The following VBP1 variants were observed in gnomAD, a reference collection of about 807,000 sequenced individuals.
The protein encoded by VBP1 is VHL binding protein 1.
VBP1 carries 4 observed loss-of-function variants against 15.5 expected under a neutral mutation model. The ratio of observed to expected loss-of-function variants is 0.26; its 90% CI spans 0.13 to 0.59. The LOEUF (loss-of-function observed/expected upper bound fraction) is 0.59, where lower values mean the gene tolerates loss of function less well. VBP1 is among the 20% of genes least tolerant of loss of function. The pLI is 0.90. For synonymous variants in VBP1, 61 were observed against 52.1 expected (o/e 1.17, Z -0.74); for missense variants, 108 against 139.6 (o/e 0.77, Z 1.14).
At chrX:155,206,054 G>T (rs1287910296) in intron 1 of VBP1, among the ~76,000 whole-genome samples, 1 of 111,841 alleles carries the variant, frequency 8.9e-6, no homozygotes, top group Non-Finnish European at 1.9e-5. Context: ...ATAATTAAAA[G>T]AAACAAAAAC....
In VBP1 at chrX:155,228,461, T is replaced by C. The variant is rs2074729916; in HGVS notation, c.363T>C (p.Asp121=). 8.3e-7 allele frequency: 1 copy of C among 1,206,596 alleles called. No individual in the cohort carries two copies. The highest frequency in any genetic ancestry group is 1.1e-6 in the Non-Finnish European group (1 of 892,008). ...GCAAAGCTTCAGTTCCTCCTACCGA[T>C]AAAGTGTGTCTGTGGTTGGGGGTAA... ...LYCKASVPPT[D]KVCLWLGANV... is the part of the protein sequence containing the mutation. Residue 121 remains aspartate (D), a synonymous_variant, in exon 4 of 6, where the codon GAT becomes GAC. Transcript: ENST00000286428.
intron 1 of VBP1, among the ~76,000 whole-genome samples, chrX:155,203,407 A>G (rs1344617399): frequency 1.8e-5 from 2 of 110,844 alleles, no homozygotes; most frequent in African/African-American, 6.6e-5. Flanking sequence ...TGGCACATAT[A>G]CACCATGGAA....
chrX:155,208,245 T>C (rs2074632632), intron 1 of VBP1, among the ~76,000 whole-genome samples: 1 of 112,282 alleles, frequency 8.9e-6, no homozygotes, highest in Non-Finnish European at 1.9e-5. Flanking sequence ...ATTGCTATTC[T>C]TTCATCTTTT....
intron 2 of VBP1, among the ~76,000 whole-genome samples, chrX:155,223,610 A>G (rs1396595599): frequency 8.9e-6 from 1 of 112,380 alleles, no homozygotes; most frequent in Non-Finnish European, 1.9e-5. Context: ...CCACACAGAC[A>G]CAGCAACAAT....
At position 155,238,997 on chromosome X, in the gene VBP1, T is replaced by G. The variant is rs1286498958; in HGVS notation, c.*155T>G. 2.8e-6 allele frequency: 1 copy of G among 352,945 alleles called. No individual in the cohort carries two copies. Among genetic ancestry groups the G allele is most frequent in the Non-Finnish European group, 4.6e-6 (1 of 216,810 alleles). 29.1% of individuals were successfully genotyped at this position (352,945 alleles called of 1,213,427 possible). A position where few individuals can be genotyped will look rare whatever the true frequency, so the allele number is the denominator to read the frequency against. ...TTTATTTATAAAAACAAAATTAGTTTCAAATATTTTTGACATTGTGATTTT... is the reference window on the plus strand; with the variant it reads ...TTTATTTATAAAAACAAAATTAGTTGCAAATATTTTTGACATTGTGATTTT... On this transcript the variant is annotated 3_prime_UTR_variant, in exon 6 of 6. Transcript: ENST00000286428.
chrX:155,230,237 C>T (rs781856863), intron 4 of VBP1, among the ~76,000 whole-genome samples: 14 of 111,141 alleles, frequency 1.3e-4, no homozygotes, highest in East Asian at 8.5e-4. Context: ...CTGTGATCTC[C>T]GCCTTCATCT....
chrX:155,220,314 G>A lies in VBP1; in HGVS notation c.218+7G>A, dbSNP rs185917284. ...TTGCTCAAAAGAAAAGAAGGTAAGT[G>A]TAAAAATTTCTAAGTTTTGAAAATC... is the stretch of plus-strand genomic sequence containing the variant. On this transcript the variant is annotated splice_region_variant and intron_variant, in intron 2 of 5. Coordinates refer to ENST00000286428, the MANE Select transcript of VBP1 (RefSeq NM_003372.7). 38 of 1,141,315 alleles carry A rather than the reference G, an allele frequency of 3.3e-5. No homozygotes were observed. The highest frequency in any genetic ancestry group is 2.8e-4 in the Middle Eastern group (1 of 3,629). 94.1% of individuals were successfully genotyped at this position (1,141,315 alleles called of 1,213,427 possible).
At chrX:155,225,305 C>T (rs1281247072) in intron 2 of VBP1, among the ~76,000 whole-genome samples, 1 of 111,498 alleles carries the variant, frequency 9.0e-6, no homozygotes, top group Admixed American at 9.5e-5. Flanking sequence ...GGGATCCTCC[C>T]GCCTCAACTT....
At chrX:155,208,426 C>T (rs782789095) in intron 1 of VBP1, among the ~76,000 whole-genome samples, 3 of 112,224 alleles carry the variant, frequency 2.7e-5, no homozygotes, top group East Asian at 2.8e-4. Context: ...ACCTGTAGAT[C>T]GCCATATCAA....
At chrX:155,237,561 A>T (rs5940367) in intron 5 of VBP1, among the ~76,000 whole-genome samples, 2,965 of 111,368 alleles carry the variant, frequency 0.027, 44 homozygotes, top group South Asian at 0.043. Flanking sequence ...ACCTCATGCC[A>T]CTGACCTCTT....
intron 5 of VBP1, among the ~76,000 whole-genome samples, chrX:155,237,113 C>T (rs1262345065): frequency 8.1e-5 from 9 of 111,606 alleles, no homozygotes; most frequent in Non-Finnish European, 1.1e-4. Context: ...TTTTTAAAGG[C>T]GGCGTAGGGT....
At chrX:155,229,504 G>A (rs1410102524) in intron 4 of VBP1, among the ~76,000 whole-genome samples, 3 of 111,832 alleles carry the variant, frequency 2.7e-5, no homozygotes, top group Non-Finnish European at 5.6e-5. Context: ...TCCTTTATCT[G>A]TTTTCAGTAC....
chrX:155,208,745 T>C (rs1438949486), intron 1 of VBP1: 1 of 381,402 alleles, frequency 2.6e-6, no homozygotes, highest in Non-Finnish European at 4.3e-6. Flanking sequence ...TTCCTTTCAA[T>C]TGATGCTTAT....
chrX:155,210,671 G>GT (rs1288305654), intron 2 of VBP1, among the ~76,000 whole-genome samples: 1 of 112,003 alleles, frequency 8.9e-6, no homozygotes, highest in African/African-American at 3.2e-5. Flanking sequence ...CTGCCATGGA[G>GT]TGACAATTCG....
At chrX:155,234,057 T>C (rs782719174) in intron 4 of VBP1, among the ~76,000 whole-genome samples, 9 of 108,518 alleles carry the variant, frequency 8.3e-5, no homozygotes, top group Admixed American at 9.9e-5. Flanking sequence ...TTCATACTGT[T>C]ACCTCCAATT....
intron 3 of VBP1, 65 bp from the exon 4 acceptor site, chrX:155,228,319 C>G (rs901217308): frequency 3.8e-5 from 33 of 879,105 alleles, no homozygotes; most frequent in Non-Finnish European, 5.4e-5. Flanking sequence ...TGCAATCTCT[C>G]CTTTATAACC....
rs782482621 is a variant in VBP1 at position 155,231,824 on chromosome X, A to G, written c.384+3342A>G. On this transcript the variant is annotated intron_variant, in intron 4 of 5. Coordinates refer to ENST00000286428, the MANE Select transcript of VBP1 (RefSeq NM_003372.7). ...CTATTCTGTGGTAGGGCTATGTGAT[A>G]ATATTCCCAAGTCAAGGGGTGTTTG... Among the ~76,000 whole-genome samples, 372 of 112,441 alleles carry G rather than the reference A, an allele frequency of 3.3e-3. 1 individual carries two copies. The highest frequency in any genetic ancestry group is 5.6e-3 in the Non-Finnish European group (298 of 53,276).
intron 2 of VBP1, among the ~76,000 whole-genome samples, chrX:155,210,343 A>G (rs182476715): frequency 9.0e-6 from 1 of 111,692 alleles, no homozygotes; most frequent in East Asian, 2.8e-4. Flanking sequence ...ACTCCTAGCC[A>G]CTCGGGAGGC....
At chrX:155,221,034 A>G (rs2074687020) in intron 2 of VBP1, among the ~76,000 whole-genome samples, 1 of 110,177 alleles carries the variant, frequency 9.1e-6, no homozygotes, top group African/African-American at 3.3e-5. Flanking sequence ...TCTACAAATA[A>G]TTAAAAAATA....
Sources: gnomAD v4.1 joint callset for allele counts (sites outside exome capture counted in the v4.1 genomes callset) on GRCh38, gnomAD v4.1.1 for gene constraint, MANE v1.5 for transcripts, NCBI Gene and HGNC (gene_info 2026-07-23, HGNC 2026-07-21) for gene names.